The following CFAP54 variants were observed in gnomAD, a reference collection of about 807,000 sequenced individuals.
The protein encoded by CFAP54 is cilia- and flagella-associated protein 54.
In CFAP54, 290 loss-of-function variants were observed where a neutral mutation model predicts 370.4. That is an observed-to-expected ratio of 0.78 (90% CI 0.71 to 0.86). The LOEUF is 0.86. CFAP54 is among the 40% of genes least tolerant of loss of function. The pLI is 0.00. For missense variants in CFAP54, 3,399 were observed against 3,528.7 expected (o/e 0.96, Z 0.93); for synonymous variants, 1,206 against 1,236.5 (o/e 0.98, Z 0.52).
intron 50 of CFAP54, among the ~76,000 whole-genome samples, chr12:96,736,593 TA>T (rs1022050582): frequency 1.3e-5 from 2 of 152,216 alleles, no homozygotes; most frequent in Admixed American, 1.3e-4. Context: ...GTAGTAGATA[TA>T]AAATTGAACT....
intron 26 of CFAP54, among the ~76,000 whole-genome samples, chr12:96,620,021 T>A (rs537356194): frequency 3.7e-4 from 56 of 152,294 alleles, no homozygotes; most frequent in African/African-American, 7.9e-4. Flanking sequence ...TAAAAATTTT[T>A]AAAAAAACTC....
intron 26 of CFAP54, among the ~76,000 whole-genome samples, chr12:96,609,945 A>C (rs1956337758): frequency 6.6e-6 from 1 of 152,264 alleles, no homozygotes; most frequent in African/African-American, 2.4e-5. Flanking sequence ...ATTGTCACAG[A>C]AGTGCAGATC....
At chr12:96,803,406 C>G (rs1412797587) in intron 63 of CFAP54, among the ~76,000 whole-genome samples, 1 of 152,110 alleles carries the variant, frequency 6.6e-6, no homozygotes, top group African/African-American at 2.4e-5. Context: ...AACTTCTAAG[C>G]AAGCCACCTA....
intron 36 of CFAP54, among the ~76,000 whole-genome samples, chr12:96,655,408 C>G (rs1176461260): frequency 6.6e-6 from 1 of 151,498 alleles, no homozygotes; most frequent in East Asian, 1.9e-4. Context: ...ACAAAAGTAT[C>G]CAGGTAATAA....
At chr12:96,613,609 G>T (rs1405931779) in intron 26 of CFAP54, among the ~76,000 whole-genome samples, 1 of 152,036 alleles carries the variant, frequency 6.6e-6, no homozygotes, top group Non-Finnish European at 1.5e-5. Context: ...CAACAAAATT[G>T]ATAGACCACT....
In CFAP54 at chr12:96,691,207, G is replaced by A. The variant is rs372244332; in HGVS notation, c.6161G>A (p.Gly2054Asp). 3.8e-5 allele frequency: 61 copies of A among 1,613,320 alleles called. No homozygotes were observed. Among genetic ancestry groups the A allele is most frequent in the African/African-American group, 5.3e-5 (4 of 74,840 alleles). Residue 2054 changes from glycine (G) to aspartate (D), a missense_variant, in exon 44 of 68, where the codon GGC becomes GAC. Physicochemically the swap from Gly to Asp is moderately conservative, Grantham distance 94 (BLOSUM62 -1). This residue lies in a region of CFAP54 where 2,796 missense variants were observed against 2,869.7 expected (regional missense o/e 0.97). Transcript: ENST00000524981. ...TATGAAATCACTCAGCTTCTCCCAG[G>A]CATTGAACTCTTCTCAGATAGATAC... Reference protein sequence around the residue: ...AQYEITQLLPGIELFSDRYRA... With the variant: ...AQYEITQLLPDIELFSDRYRA...
chr12:96,795,340 G>C (rs1320004220), intron 63 of CFAP54, among the ~76,000 whole-genome samples: 1 of 152,174 alleles, frequency 6.6e-6, no homozygotes, highest in South Asian at 2.1e-4. Flanking sequence ...AGGACATAGA[G>C]CTCTGAAGAG....
intron 50 of CFAP54, among the ~76,000 whole-genome samples, chr12:96,722,448 C>T (rs2136611923): frequency 6.6e-6 from 1 of 152,324 alleles, no homozygotes; most frequent in East Asian, 1.9e-4. Context: ...GTTTGAGGGA[C>T]ACCTCCAGGC....
rs541116530 is a variant in CFAP54, at chr12:96,671,459, G to C, written c.5563+7527G>C. ...AAAACGTAAGCTTTATGAGGGCAGG[G>C]ATTATTGTTTTGTTCACAGATATAA... On this transcript the variant is annotated intron_variant, in intron 39 of 67. Transcript: ENST00000524981. 1.0e-3 allele frequency among the ~76,000 whole-genome samples: 159 copies of C among 152,282 alleles called. 1 individual carries two copies. The highest frequency in any genetic ancestry group is 8.7e-3 in the South Asian group (42 of 4,828).
intron 67 of CFAP54, among the ~76,000 whole-genome samples, chr12:96,862,177 G>C (rs1274953336): frequency 6.6e-6 from 1 of 152,066 alleles, no homozygotes; most frequent in African/African-American, 2.4e-5. Context: ...AAAAGCGAAG[G>C]TAGAATTGTT....
chr12:96,563,078 G>A (rs371933141), intron 17 of CFAP54, among the ~76,000 whole-genome samples: 1 of 152,090 alleles, frequency 6.6e-6, no homozygotes, highest in African/African-American at 2.4e-5. Context: ...CATAGTAACT[G>A]TATTATTTCC....
chr12:96,730,802 A>G (rs973809715), intron 50 of CFAP54, among the ~76,000 whole-genome samples: 4 of 152,246 alleles, frequency 2.6e-5, no homozygotes, highest in African/African-American at 9.6e-5. Flanking sequence ...TTGGAAACAT[A>G]TAATCATCTC....
At chr12:96,801,914 T>C (rs987869895) in intron 63 of CFAP54, among the ~76,000 whole-genome samples, 2 of 152,054 alleles carry the variant, frequency 1.3e-5, no homozygotes, top group African/African-American at 4.8e-5. Context: ...AACTAGGCTC[T>C]CCTATGCATA....
At chr12:96,730,785 G>C (rs182770203) in intron 50 of CFAP54, among the ~76,000 whole-genome samples, 1 of 152,262 alleles carries the variant, frequency 6.6e-6, no homozygotes, top group East Asian at 1.9e-4. Flanking sequence ...ATCCTCATTT[G>C]CTTTGATTGG....
chr12:96,722,922 T>C (rs980549645), intron 50 of CFAP54, among the ~76,000 whole-genome samples: 1 of 152,002 alleles, frequency 6.6e-6, no homozygotes, highest in African/African-American at 2.4e-5. Context: ...GGGTGCAGCT[T>C]ATTTAGGGGA....
chr12:96,597,228 T>C (rs1214989259), intron 25 of CFAP54, among the ~76,000 whole-genome samples: 1 of 152,112 alleles, frequency 6.6e-6, no homozygotes, highest in Admixed American at 6.6e-5. Context: ...ACAATTCTTC[T>C]GTTAGTAATT....
intron 5 of CFAP54, among the ~76,000 whole-genome samples, chr12:96,515,247 G>T (rs531959817): frequency 1.3e-5 from 2 of 152,128 alleles, no homozygotes; most frequent in Non-Finnish European, 2.9e-5. Context: ...GACCTCCAGT[G>T]ATCTTCCCGC....
chr12:96,546,348 G>C (rs1216316208), intron 14 of CFAP54, among the ~76,000 whole-genome samples: 3 of 152,138 alleles, frequency 2.0e-5, no homozygotes, highest in African/African-American at 7.2e-5. Flanking sequence ...TGAAAGCAGG[G>C]AAAAATAGTT....
chr12:96,809,379 T>C (rs1183013992), intron 63 of CFAP54, among the ~76,000 whole-genome samples: 1 of 152,170 alleles, frequency 6.6e-6, no homozygotes, highest in Non-Finnish European at 1.5e-5. Context: ...TAAATTTAGG[T>C]TTCACTTTTG....
Sources: allele counts gnomAD v4.1 joint callset (sites outside exome capture counted in the v4.1 genomes callset), GRCh38; gene constraint gnomAD v4.1.1; regional missense constraint gnomAD v4.1.1; transcripts MANE v1.5; gene names NCBI Gene and HGNC (gene_info 2026-07-23, HGNC 2026-07-21).